Variants in GPR137B observed in about 807,000 individuals in gnomAD.
GPR137B encodes G protein-coupled receptor 137B, also known as integral membrane protein GPR137B.
Under a neutral mutation model 42.5 loss-of-function variants are expected in GPR137B, and 42 were observed. The ratio of observed to expected loss-of-function variants is 0.99; its 90% confidence interval spans 0.77 to 1.28. The LOEUF (loss-of-function observed/expected upper bound fraction) is 1.28. GPR137B is among the 50% of genes most tolerant of loss of function. The probability of loss-of-function intolerance (pLI) is 0.00; values close to 1 mark genes in which losing one functional copy is unlikely to be tolerated. For synonymous variants in GPR137B, 218 were observed against 209.7 expected, an observed-to-expected ratio of 1.04 and a Z score of -0.34; for missense variants, 487 against 493.9, an observed-to-expected ratio of 0.99 and a Z score of 0.13.
At chr1:236,183,670 G>T (rs75760867) in intron 4 of GPR137B, 108 bp from the exon 5 acceptor site, 4 of 692,146 alleles carry the variant, frequency 5.8e-6, no homozygotes, top group East Asian at 2.7e-5. Flanking sequence ...ATAGGGGAAT[G>T]AATTGTACTA....
chr1:236,181,460 A>G (rs1049876023), intron 4 of GPR137B, among the ~76,000 whole-genome samples: 4 of 152,230 alleles, frequency 2.6e-5, no homozygotes, highest in African/African-American at 7.2e-5. Context: ...CAGATTAGCC[A>G]TTAACAATAA....
chr1:236,147,879 T>C (rs1188558802), intron 1 of GPR137B, among the ~76,000 whole-genome samples: 5 of 152,146 alleles, frequency 3.3e-5, no homozygotes, highest in Non-Finnish European at 7.4e-5. Context: ...CCTGGGAACA[T>C]GGGGAGGCGG....
intron 1 of GPR137B, among the ~76,000 whole-genome samples, chr1:236,143,383 G>T (rs1323616329): frequency 2.6e-5 from 4 of 152,382 alleles, no homozygotes; most frequent in Non-Finnish European, 4.4e-5. Context: ...CGGATGGAAG[G>T]TGTGCCCCCA....
Position 236,150,306 on chromosome 1 carries a change from T to C in GPR137B, c.414+7270T>C, listed in dbSNP as rs1661818791. ...GTGTGTCTTTGCCTGTGTTTGTGTG[T>C]ATGTGCCTGTGTGTGTGTCTGTGCA... is the stretch of plus-strand genomic sequence containing the variant. On this transcript the variant is annotated intron_variant, in intron 1 of 6. Transcript: ENST00000366592. The surrounding 1 kb of genome is among the most constrained non-coding windows in gnomAD (Gnocchi z 6.2). Among the ~76,000 whole-genome samples, 1 of 151,366 alleles carries C rather than the reference T, an allele frequency of 6.6e-6. No individual in the cohort carries two copies. Among genetic ancestry groups the C allele is most frequent in the Admixed American group, 6.6e-5 (1 of 15,166 alleles).
Position 236,142,682 on chromosome 1 carries a change from G to T in GPR137B, c.60G>T (p.Pro20=). 3.2e-6 allele frequency: 5 copies of T among 1,567,398 alleles called. No homozygotes were observed. Among genetic ancestry groups the T allele is most frequent in the Non-Finnish European group, 3.4e-6 (4 of 1,162,330 alleles). The change falls in exon 1 of 7, where the codon CCG becomes CCT. Residue 20 remains proline (P), a synonymous_variant. Transcript: ENST00000366592. ...CCCCCGGCCCGATGGAGACCCCGCC[G>T]TGGGACCCAGCCCGCAACGACTCGC... is the stretch of plus-strand genomic sequence containing the variant. ...GSAPGPMETP[P]WDPARNDSLP... is the part of the protein sequence containing the mutation.
At chr1:236,157,763 T>C (rs930251142) in intron 1 of GPR137B, among the ~76,000 whole-genome samples, 2 of 152,140 alleles carry the variant, frequency 1.3e-5, no homozygotes, top group Non-Finnish European at 2.9e-5. Flanking sequence ...TCCCATTCAG[T>C]TGAAAAAAAT....
At chr1:236,153,069 AAAAG>A (rs1469246400) in intron 1 of GPR137B, among the ~76,000 whole-genome samples, 8 of 152,058 alleles carry the variant, frequency 5.3e-5, no homozygotes, top group African/African-American at 1.7e-4. Context: ...GAAAAAAAAA[AAAAG>A]AAACAAACAA....
chr1:236,204,795 A>G (rs575489987), intron 5 of GPR137B, among the ~76,000 whole-genome samples: 1 of 152,190 alleles, frequency 6.6e-6, no homozygotes, highest in Non-Finnish European at 1.5e-5. Context: ...AGTAGGCTGT[A>G]TGTGTCTTGG....
At chr1:236,188,714 G>A (rs1054264160) in intron 5 of GPR137B, among the ~76,000 whole-genome samples, 1 of 152,116 alleles carries the variant, frequency 6.6e-6, no homozygotes, top group South Asian at 2.1e-4. Context: ...TGCTGGATTC[G>A]GTTTGCCAGT....
intron 2 of GPR137B, among the ~76,000 whole-genome samples, chr1:236,174,391 A>C (rs1004777398): frequency 6.6e-6 from 1 of 152,200 alleles, no homozygotes; most frequent in African/African-American, 2.4e-5. Context: ...GACCAGCTTG[A>C]TGAGCACGTA....
chr1:236,148,419 G>A (rs1661741907), intron 1 of GPR137B, among the ~76,000 whole-genome samples: 1 of 152,166 alleles, frequency 6.6e-6, no homozygotes, highest in African/African-American at 2.4e-5. Flanking sequence ...CCCGAGTTTG[G>A]CAGGATGGAA....
chr1:236,206,132 A>G (rs796352125), intron 6 of GPR137B, among the ~76,000 whole-genome samples: 9 of 152,352 alleles, frequency 5.9e-5, no homozygotes, highest in African/African-American at 2.2e-4. Flanking sequence ...TACTTATTTA[A>G]TAAATACTTC....
chr1:236,162,920 C>T (rs1246358240), intron 1 of GPR137B, among the ~76,000 whole-genome samples: 3 of 152,158 alleles, frequency 2.0e-5, no homozygotes, highest in East Asian at 1.9e-4. Flanking sequence ...CACTGTCTAG[C>T]GGAGCTGTGA....
At chr1:236,200,917 T>C (rs972351669) in intron 5 of GPR137B, among the ~76,000 whole-genome samples, 1 of 151,594 alleles carries the variant, frequency 6.6e-6, no homozygotes, top group Non-Finnish European at 1.5e-5. Context: ...TTTTCATTGT[T>C]TTATAGGCCT....
intron 1 of GPR137B, among the ~76,000 whole-genome samples, chr1:236,167,226 A>G (rs1662386265): frequency 6.6e-6 from 1 of 152,212 alleles, no homozygotes; most frequent in African/African-American, 2.4e-5. Context: ...CTAGTTAACA[A>G]CATATCCATC....
intron 1 of GPR137B, among the ~76,000 whole-genome samples, chr1:236,161,812 T>G (rs1016087688): frequency 6.6e-6 from 1 of 152,200 alleles, no homozygotes; most frequent in African/African-American, 2.4e-5. Flanking sequence ...GCCATGACTC[T>G]GAGGCCTCCC....
intron 4 of GPR137B, 72 bp from the exon 5 acceptor site, chr1:236,183,706 C>A: frequency 9.1e-7 from 1 of 1,104,182 alleles, no homozygotes; most frequent in South Asian, 1.4e-5. Flanking sequence ...TCTCTGTTCA[C>A]ATTAGAAAGA....
chr1:236,163,403 G>C (rs927085207), intron 1 of GPR137B, among the ~76,000 whole-genome samples: 2 of 152,084 alleles, frequency 1.3e-5, no homozygotes, highest in African/African-American at 4.8e-5. Context: ...TAAGACTTTT[G>C]GGGACTGTTG....
At chr1:236,148,589 C>G (rs1661746807) in intron 1 of GPR137B, among the ~76,000 whole-genome samples, 2 of 152,190 alleles carry the variant, frequency 1.3e-5, no homozygotes, top group South Asian at 4.1e-4. Context: ...GTCACCATGC[C>G]TTGGAGGGCA....
Sources: gnomAD v4.1 joint callset for allele counts (sites outside exome capture counted in the v4.1 genomes callset) on GRCh38, gnomAD v4.1.1 for gene constraint, Gnocchi (gnomAD v3.1) non-coding constraint, MANE v1.5 for transcripts, NCBI Gene and HGNC (gene_info 2026-07-23, HGNC 2026-07-21) for gene names.